The following GIPC1 variants were observed in gnomAD, a reference collection of about 807,000 sequenced individuals.
GIPC1 encodes the protein GIPC PDZ domain containing family member 1, also known as PDZ domain-containing protein GIPC1.
A neutral mutation model predicts 28.5 loss-of-function variants in GIPC1; 15 were observed. The observed-to-expected ratio is 0.53, with a 90% confidence interval of 0.35 to 0.81. The LOEUF is 0.81. Ranked by LOEUF, GIPC1 falls within the 30% of genes least tolerant of loss-of-function variation. The pLI, the probability that GIPC1 is intolerant of heterozygous loss-of-function variation, is 0.01. For synonymous variants in GIPC1, 224 were observed against 206.1 expected (o/e 1.09, Z -0.74); for missense variants, 439 against 481.9 (o/e 0.91, Z 0.83).
In GIPC1 at chr19:14,478,886, G is replaced by A. The variant is rs2071662559; in HGVS notation, c.769-121C>T. 6 of 796,952 alleles carry A rather than the reference G, an allele frequency of 7.5e-6. No homozygotes were observed. The East Asian group carries it at 1.5e-4, about 20-fold the overall frequency. The allele number at this position is 796,952 out of a possible 1,614,324, so 49.4% of individuals were successfully genotyped here. A position where few individuals can be genotyped will look rare whatever the true frequency, so the allele number is the denominator to read the frequency against. On this transcript the variant is annotated intron_variant, in intron 7 of 8. Transcript: ENST00000393033. The surrounding 1 kb of genome is among the most constrained non-coding windows in gnomAD (Gnocchi z 5.2). ...TATTTAGACCTCAGGACAACCCTGA[G>A]AAGGTGGTATCGGTGTTCAGCTCAT...
In GIPC1 at chr19:14,496,041, T is replaced by TCCGCCGCCGCCGCCGCCACCG. The variant is rs1555723642; in HGVS notation, c.-180_-179insCGGTGGCGGCGGCGGCGGCGG. 1 of 221,694 alleles carries TCCGCCGCCGCCGCCGCCACCG rather than the reference T, an allele frequency of 4.5e-6. No homozygotes were observed. Among genetic ancestry groups the TCCGCCGCCGCCGCCGCCACCG allele is most frequent in the African/African-American group, 2.5e-5 (1 of 40,090 alleles). The allele number at this position is 221,694 out of a possible 1,614,324, so 13.7% of individuals were successfully genotyped here. ...CTTCTCGCAGAGGCCACTCACCTGC[T>TCCGCCGCCGCCGCCGCCACCG]CCGCCGCCGCCGCCGCCGCCGCCGC... On this transcript the variant is annotated 5_prime_UTR_variant, in exon 1 of 9. Transcript: ENST00000393033.
intron 3 of GIPC1, among the ~76,000 whole-genome samples, chr19:14,486,619 C>T (rs1319338203): frequency 6.6e-6 from 1 of 151,974 alleles, no homozygotes; most frequent in East Asian, 1.9e-4. Context: ...GAAGAAAAAG[C>T]AAATCTTTGC....
chr19:14,478,437 G>A lies in GIPC1; in HGVS notation c.981C>T (p.Asp327=), dbSNP rs145467878. The A allele has an allele frequency of 4.3e-5, 69 of 1,610,692 alleles. No individual in the cohort carries two copies. In the African/African-American group the frequency reaches 6.0e-4, roughly 14 times the overall value. ...AGTCCTAGTAGCGGCCGACCTTGGC[G>A]TCCCCAATGGCGCCCCAGACGTCAA... ...FVFDVWGAIG[D]AKVGRY The change falls in exon 9 of 9, where the codon GAC becomes GAT. Residue 327 remains aspartate (D), a synonymous_variant. Transcript: ENST00000393033. This position sits in a 1 kb window ranked among gnomAD's most constrained non-coding sequence, Gnocchi z 5.2.
At chr19:14,485,076 C>G (rs1026465198) in intron 3 of GIPC1, among the ~76,000 whole-genome samples, 3 of 152,052 alleles carry the variant, frequency 2.0e-5, no homozygotes, top group Admixed American at 2.0e-4. Context: ...GAGAGAATCG[C>G]TTGAACCTGG....
intron 4 of GIPC1, among the ~76,000 whole-genome samples, chr19:14,481,411 G>A (rs565524186): frequency 6.6e-6 from 1 of 152,290 alleles, no homozygotes; most frequent in Admixed American, 6.5e-5. Flanking sequence ...ACCCAGCTAG[G>A]ATTTCGGTCC....
chr19:14,480,942 C>T lies in GIPC1; in HGVS notation c.289-164G>A, dbSNP rs554877728. On this transcript the variant is annotated intron_variant, in intron 4 of 8. Coordinates refer to ENST00000393033, the MANE Select transcript of GIPC1 (RefSeq NM_005716.4). ...AGGGCCACAGCAGGGCCCACATTAG[C>T]GTGTCAGCTCTGCTAGGACTAGGAT... 1.6e-4 allele frequency: 97 copies of T among 602,874 alleles called. No individual in the cohort carries two copies. The East Asian group carries it at 2.2e-3, about 14-fold the overall frequency. 37.3% of individuals were successfully genotyped at this position (602,874 alleles called of 1,614,324 possible). A position where few individuals can be genotyped will look rare whatever the true frequency, so the allele number is the denominator to read the frequency against.
intron 1 of GIPC1, among the ~76,000 whole-genome samples, chr19:14,494,038 C>T (rs1213610743): frequency 6.6e-6 from 1 of 152,076 alleles, no homozygotes; most frequent in African/African-American, 2.4e-5. Context: ...CAGCTCACTG[C>T]AACCTCCGCC....
Position 14,478,155 on chromosome 19 carries a change from T to A in GIPC1, c.*261A>T. The A allele has an allele frequency of 2.3e-6, 1 of 442,398 alleles. No homozygotes were observed. The allele number at this position is 442,398 out of a possible 1,614,324, so 27.4% of individuals were successfully genotyped here. A position where few individuals can be genotyped will look rare whatever the true frequency, so the allele number is the denominator to read the frequency against. ...GTGGCCGCCCAATTTGGCTGATCCC[T>A]CCCCTCCCTGTGCCTGACCCAGCTG... On this transcript the variant is annotated 3_prime_UTR_variant, in exon 9 of 9. Transcript: ENST00000393033. This position sits in a 1 kb window ranked among gnomAD's most constrained non-coding sequence, Gnocchi z 5.2.
chr19:14,478,136 GCCCAA>G lies in GIPC1; in HGVS notation c.*275_*279del. On this transcript the variant is annotated 3_prime_UTR_variant, in exon 9 of 9. Coordinates refer to ENST00000393033, the MANE Select transcript of GIPC1 (RefSeq NM_005716.4). The surrounding 1 kb of genome is among the most constrained non-coding windows in gnomAD (Gnocchi z 5.2). ...GAAAGTGGTGGAGGCGGGGGTGGCC[GCCCAA>G]TTTGGCTGATCCCTCCCCTCCCTGT... 2.5e-6 allele frequency: 1 copy of G among 401,652 alleles called. No individual in the cohort carries two copies. The highest frequency in any genetic ancestry group is 4.5e-6 in the Non-Finnish European group (1 of 221,584). 24.9% of individuals were successfully genotyped at this position (401,652 alleles called of 1,614,324 possible). A position where few individuals can be genotyped will look rare whatever the true frequency, so the allele number is the denominator to read the frequency against.
At position 14,480,459 on chromosome 19, in the gene GIPC1, GT is replaced by G; in HGVS notation, c.500del (p.Asp167AlafsTer11). The stretch of plus-strand genomic sequence containing the variant: ...CGCCCACGCTGATGAGGTGGATGTG[GT>G]CGATCACGCTGCCCTCCTTGATGCG... ...IKRIKEGSVI[D>X]HIHLISVGDM... On this transcript the variant is annotated frameshift_variant, in exon 6 of 9. Coordinates refer to ENST00000393033, the MANE Select transcript of GIPC1 (RefSeq NM_005716.4). LOFTEE classifies it high-confidence loss of function. The G allele has an allele frequency of 6.2e-7, 1 of 1,613,252 alleles. No individual in the cohort carries two copies. Among genetic ancestry groups the G allele is most frequent in the Non-Finnish European group, 8.5e-7 (1 of 1,179,486 alleles).
intron 4 of GIPC1, 74 bp from the exon 5 acceptor site, chr19:14,480,852 G>T: frequency 1.8e-6 from 2 of 1,105,268 alleles, no homozygotes; most frequent in South Asian, 1.4e-5. Flanking sequence ...AGGGCGAAGG[G>T]AGAGAGCTGG....
rs1338637552 is a variant in GIPC1, at chr19:14,496,094, C to A, written c.-232G>T. 4 of 228,138 alleles carry A rather than the reference C, an allele frequency of 1.8e-5. No homozygotes were observed. Among genetic ancestry groups the A allele is most frequent in the Middle Eastern group, 3.3e-3 (2 of 600 alleles). The allele number at this position is 228,138 out of a possible 1,614,324, so 14.1% of individuals were successfully genotyped here. A position where few individuals can be genotyped will look rare whatever the true frequency, so the allele number is the denominator to read the frequency against. On this transcript the variant is annotated 5_prime_UTR_variant, in exon 1 of 9. Coordinates refer to ENST00000393033, the MANE Select transcript of GIPC1 (RefSeq NM_005716.4). ...CCGCCGCTGCCTCCGCCTCCCCGTG[C>A]GCACCCGGCTCGGCCCTCCGCAAAC...
chr19:14,491,168 G>C (rs1452176800), intron 3 of GIPC1, among the ~76,000 whole-genome samples: 1 of 151,938 alleles, frequency 6.6e-6, no homozygotes, highest in East Asian at 1.9e-4. Context: ...ACTGCGCTCA[G>C]CCTATATTTT....
chr19:14,480,875 G>A, intron 4 of GIPC1, 97 bp from the exon 5 acceptor site: 1 of 876,572 alleles, frequency 1.1e-6, no homozygotes, highest in Non-Finnish European at 1.8e-6. Flanking sequence ...GAGGACTAGG[G>A]GGATTCCATC....
rs1568371832 is a variant in GIPC1 at position 14,496,083 on chromosome 19, G to GCCTCCC, written c.-227_-222dup. ...CGCCGCCGCCGCCGCCGCTGCCTCCGCCTCCCCGTGCGCACCCGGCTCGGC... is the reference window on the plus strand; with the variant it reads ...CGCCGCCGCCGCCGCCGCTGCCTCCGCCTCCCCCTCCCCGTGCGCACCCGGCTCGGC... On this transcript the variant is annotated 5_prime_UTR_variant, in exon 1 of 9. Coordinates refer to ENST00000393033, the MANE Select transcript of GIPC1 (RefSeq NM_005716.4). The GCCTCCC allele has an allele frequency of 4.3e-6, 1 of 235,006 alleles. No individual in the cohort carries two copies. The highest frequency in any genetic ancestry group is 8.0e-6 in the Non-Finnish European group (1 of 124,404). The allele number at this position is 235,006 out of a possible 1,614,324, so 14.6% of individuals were successfully genotyped here. A position where few individuals can be genotyped will look rare whatever the true frequency, so the allele number is the denominator to read the frequency against.
intron 3 of GIPC1, chr19:14,489,615 A>G (rs747633536): frequency 4.5e-6 from 5 of 1,110,932 alleles, no homozygotes; most frequent in Non-Finnish European, 6.9e-6. Flanking sequence ...TGGAATGAGT[A>G]TAAATAATGG....
Position 14,478,344 on chromosome 19 carries a change from G to T in GIPC1, c.*72C>A. On this transcript the variant is annotated 3_prime_UTR_variant, in exon 9 of 9. Coordinates refer to ENST00000393033, the MANE Select transcript of GIPC1 (RefSeq NM_005716.4). This position sits in a 1 kb window ranked among gnomAD's most constrained non-coding sequence, Gnocchi z 5.2. ...GGCTCAGGCTGGAGGCTCGGGTCCT[G>T]ACGTCAGTGTCCCTGCTGGGGGCCC... The T allele has an allele frequency of 6.9e-7, 1 of 1,450,522 alleles. No individual in the cohort carries two copies. The highest frequency in any genetic ancestry group is 9.3e-7 in the Non-Finnish European group (1 of 1,071,308). 89.9% of individuals were successfully genotyped at this position (1,450,522 alleles called of 1,614,324 possible). A position where few individuals can be genotyped will look rare whatever the true frequency, so the allele number is the denominator to read the frequency against.
At chr19:14,492,968 G>A (rs1257368795) in intron 1 of GIPC1, 56 bp from the exon 2 acceptor site, 2 of 151,990 alleles carry the variant, frequency 1.3e-5, no homozygotes, top group Admixed American at 6.6e-5. Flanking sequence ...AATCCAAAGA[G>A]ATTACCCACG....
intron 3 of GIPC1, among the ~76,000 whole-genome samples, chr19:14,484,228 C>G (rs960958111): frequency 6.6e-6 from 1 of 151,260 alleles, no homozygotes; most frequent in Non-Finnish European, 1.5e-5. Context: ...TCTTGCCTCC[C>G]GGGTACAAGC....
Sources: allele counts gnomAD v4.1 joint callset (sites outside exome capture counted in the v4.1 genomes callset), GRCh38; gene constraint gnomAD v4.1.1; non-coding constraint Gnocchi (gnomAD v3.1); transcripts MANE v1.5; gene names NCBI Gene and HGNC (gene_info 2026-07-23, HGNC 2026-07-21).